The following TFAP4 variants were observed in gnomAD, a reference collection of about 807,000 sequenced individuals.
The protein encoded by TFAP4 is activating enhancer-binding protein 4.
TFAP4 carries 7 observed loss-of-function variants against 40.4 expected under a neutral mutation model. The observed-to-expected ratio is 0.17, with a 90% CI of 0.10 to 0.33. The LOEUF (loss-of-function observed/expected upper bound fraction) is 0.33. Among genes scored for constraint, TFAP4 ranks in the 10% least tolerant of loss-of-function variants. The pLI, the probability that TFAP4 is intolerant of heterozygous loss-of-function variation, is 1.00. For missense variants in TFAP4, 374 were observed against 451.1 expected, an observed-to-expected ratio of 0.83 and a Z score of 1.55; for synonymous variants, 218 against 181.4, an observed-to-expected ratio of 1.20 and a Z score of -1.62.
In TFAP4 at chr16:4,262,593, C is replaced by T. The variant is rs752470093; in HGVS notation, c.198G>A (p.Ala66=). 9 of 1,612,190 alleles carry T rather than the reference C, an allele frequency of 5.6e-6. No individual in the cohort carries two copies. In the African/African-American group the frequency reaches 6.7e-5, roughly 12 times the overall value. Residue 66 remains alanine (A), a synonymous_variant, in exon 2 of 7, where the codon GCG becomes GCA. Coordinates refer to ENST00000204517, the MANE Select transcript of TFAP4 (RefSeq NM_003223.3). ...TGAGGGTCTTGAGGGACTGGAATCC[C>T]GCGTTGATGCTCTGCATGCGTCTCC... The part of the protein sequence containing the change: ...NERRRMQSIN[A]GFQSLKTLIP...
Position 4,262,367 on chromosome 16 carries a change from GTCT to G in TFAP4, c.308_310del (p.Lys103del). On this transcript the variant is annotated inframe_deletion, in exon 3 of 7. Transcript: ENST00000204517. ...CTGTGTGTTCTGCTGCAAGAGCCTGGTCTTCTCCTGCTCCAGGGAGAAGATGTA... is the reference window on the plus strand; with the variant it reads ...CTGTGTGTTCTGCTGCAAGAGCCTGGTCTCCTGCTCCAGGGAGAAGATGTA... 6.2e-7 allele frequency: 1 copy of G among 1,614,202 alleles called. No individual in the cohort carries two copies. Among genetic ancestry groups the G allele is most frequent in the Non-Finnish European group, 8.5e-7 (1 of 1,180,032 alleles).
chr16:4,263,482 G>A (rs1019287576), intron 1 of TFAP4: 1 of 152,202 alleles, frequency 6.6e-6, no homozygotes, highest in Non-Finnish European at 1.5e-5. Context: ...GCCACCCCAG[G>A]ACTGAGGAAG....
Position 4,259,862 on chromosome 16 carries a change from T to C in TFAP4, c.822+228A>G, listed in dbSNP as rs776960500. Among the ~76,000 whole-genome samples, 3 of 152,206 alleles carry C rather than the reference T, an allele frequency of 2.0e-5. No homozygotes were observed. The East Asian group carries it at 5.8e-4, about 29-fold the overall frequency. On this transcript the variant is annotated intron_variant, in intron 6 of 6. Transcript: ENST00000204517. ...CCCATATTGAGGGAAGGGACAGTCT[T>C]CCTGGCCAACTCCTCCTACTGGCGT...
chr16:4,266,653 T>C (rs1389342427), intron 1 of TFAP4: 1 of 152,148 alleles, frequency 6.6e-6, no homozygotes, highest in Non-Finnish European at 1.5e-5. Flanking sequence ...TGAAGGATGG[T>C]TGATTGAAAT....
intron 1 of TFAP4, chr16:4,263,674 C>T (rs1193235412): frequency 1.3e-5 from 2 of 152,500 alleles, no homozygotes; most frequent in African/African-American, 4.8e-5. Flanking sequence ...CACCCTGCGC[C>T]GGAGAAGCGA....
At chr16:4,272,295 G>A (rs1034876174) in intron 1 of TFAP4, among the ~76,000 whole-genome samples, 24 of 152,056 alleles carry the variant, frequency 1.6e-4, no homozygotes, top group Non-Finnish European at 2.9e-4. Flanking sequence ...GAGGAAGGAA[G>A]GAGAGGAAGG....
In TFAP4 at chr16:4,272,948, GTGTGTA is replaced by G. The variant is rs1334468285; in HGVS notation, c.-208_-203del. 8.5e-5 allele frequency: 38 copies of G among 449,242 alleles called. No individual in the cohort carries two copies. The East Asian group carries it at 8.8e-4, about 10-fold the overall frequency. The allele number at this position is 449,242 out of a possible 1,614,324, so 27.8% of individuals were successfully genotyped here. ...GTCTCTCCGGCCTGCCTCCCCGGGC[GTGTGTA>G]TGTGTGTGTGTGTGTGTGTGTGTGT... On this transcript the variant is annotated 5_prime_UTR_variant, in exon 1 of 7. Coordinates refer to ENST00000204517, the MANE Select transcript of TFAP4 (RefSeq NM_003223.3).
intron 1 of TFAP4, among the ~76,000 whole-genome samples, chr16:4,267,613 T>C (rs918668787): frequency 6.6e-6 from 1 of 152,020 alleles, no homozygotes; most frequent in Non-Finnish European, 1.5e-5. Flanking sequence ...CAGGCCAAAG[T>C]CAAGTACCCC....
intron 1 of TFAP4, 24 bp from the exon 2 acceptor site, chr16:4,262,725 C>G: frequency 6.2e-7 from 1 of 1,602,686 alleles, no homozygotes; most frequent in Non-Finnish European, 8.5e-7. Flanking sequence ...CAGGGACAGG[C>G]TCGGCCAAGG....
At chr16:4,268,091 A>G (rs2053011920) in intron 1 of TFAP4, 2 of 152,296 alleles carry the variant, frequency 1.3e-5, no homozygotes, top group African/African-American at 2.4e-5. Flanking sequence ...TCTGTAAAAT[A>G]TGGAAACACT....
chr16:4,267,270 A>T (rs1455914019), intron 1 of TFAP4: 2 of 152,250 alleles, frequency 1.3e-5, no homozygotes, highest in African/African-American at 4.8e-5. Context: ...TTGACCTCAA[A>T]TGATCCATCC....
In TFAP4 at chr16:4,260,159, G is replaced by A. The variant is rs758964440; in HGVS notation, c.753C>T (p.Val251=). The change falls in exon 6 of 7, where the codon GTC becomes GTT. Residue 251 remains valine (V), a synonymous_variant. Coordinates refer to ENST00000204517, the MANE Select transcript of TFAP4 (RefSeq NM_003223.3). The part of the protein sequence containing the change: ...PPPPSHHINV[V]TMGPSSVINS... ...TGATGACCGAGGAGGGGCCCATGGT[G>A]ACGACATTGATGTGGTGGGAGGGAG... 4.1e-5 allele frequency: 63 copies of A among 1,545,154 alleles called. No homozygotes were observed. Among genetic ancestry groups the A allele is most frequent in the Non-Finnish European group, 5.3e-5 (60 of 1,141,646 alleles).
At chr16:4,270,834 C>T (rs567966872) in intron 1 of TFAP4, among the ~76,000 whole-genome samples, 1 of 152,322 alleles carries the variant, frequency 6.6e-6, no homozygotes, top group South Asian at 2.1e-4. Context: ...CTCAACTGCA[C>T]CTCCGCGCTG....
At chr16:4,258,718 G>C (rs2052919605) in intron 6 of TFAP4, 2 of 153,422 alleles carry the variant, frequency 1.3e-5, no homozygotes, top group Non-Finnish European at 2.9e-5. Context: ...GCCTGACCCA[G>C]GAACAAACTT....
At position 4,269,637 on chromosome 16, in the gene TFAP4, C is replaced by T. The variant is rs184479849; in HGVS notation, c.89+3021G>A. ...CCATCCTGGCCAAAATGGTGAAACC[C>T]CGTCTGTACTAAAAATACAAAAATT... On this transcript the variant is annotated intron_variant, in intron 1 of 6. Coordinates refer to ENST00000204517, the MANE Select transcript of TFAP4 (RefSeq NM_003223.3). Among the ~76,000 whole-genome samples the T allele has an allele frequency of 2.6e-3, 398 of 151,328 alleles. 3 individuals carry two copies. The highest frequency in any genetic ancestry group is 9.2e-3 in the African/African-American group (377 of 41,186).
At chr16:4,261,728 C>G (rs1458836698) in intron 4 of TFAP4, 51 bp downstream of exon 4, 2 of 1,514,540 alleles carry the variant, frequency 1.3e-6, no homozygotes, top group Non-Finnish European at 1.8e-6. Context: ...CGACCCCAGG[C>G]TCCACGCCCT....
intron 1 of TFAP4, chr16:4,264,198 C>T (rs1331015233): frequency 1.3e-5 from 2 of 152,568 alleles, no homozygotes; most frequent in Admixed American, 1.3e-4. Flanking sequence ...GCTGTGTGCC[C>T]TGGCCCCTTC....
chr16:4,271,392 AGCGC>A (rs2053039210), intron 1 of TFAP4, among the ~76,000 whole-genome samples: 1 of 152,234 alleles, frequency 6.6e-6, no homozygotes, highest in African/African-American at 2.4e-5. Context: ...CTCCTGGAGC[AGCGC>A]GGCAGGAAAG....
intron 1 of TFAP4, among the ~76,000 whole-genome samples, chr16:4,272,457 G>T (rs1226205426): frequency 1.3e-5 from 2 of 151,964 alleles, no homozygotes; most frequent in Admixed American, 6.5e-5. Flanking sequence ...GGCCGGGGCC[G>T]CTTGGGGCCC....
Sources: gnomAD v4.1 joint callset for allele counts (sites outside exome capture counted in the v4.1 genomes callset) on GRCh38, gnomAD v4.1.1 for gene constraint, MANE v1.5 for transcripts, NCBI Gene and HGNC (gene_info 2026-07-23, HGNC 2026-07-21) for gene names.